Variants in SPATS2 observed in about 807,000 individuals in gnomAD.
SPATS2 encodes spermatogenesis associated serine rich 2, also known as spermatogenesis-associated serine-rich protein 2.
A neutral mutation model predicts 63.7 loss-of-function variants in SPATS2; 38 were observed. That is an observed-to-expected ratio of 0.60 (90% CI 0.46 to 0.78). SPATS2 has a LOEUF of 0.78. Ranked by LOEUF, SPATS2 falls within the 30% of genes least tolerant of loss-of-function variation. SPATS2 has a pLI of 0.00. For missense variants in SPATS2, 588 were observed against 666.2 expected (o/e 0.88, Z 1.29); for synonymous variants, 207 against 232.9 (o/e 0.89, Z 1.01).
chr12:49,400,401 A>G (rs1055286567), intron 2 of SPATS2, among the ~76,000 whole-genome samples: 1 of 152,082 alleles, frequency 6.6e-6, no homozygotes, highest in African/African-American at 2.4e-5. Flanking sequence ...CTGGTGAGGA[A>G]ACTGGGGTTA....
chr12:49,503,927 C>T (rs536214625), intron 9 of SPATS2, among the ~76,000 whole-genome samples: 1 of 152,166 alleles, frequency 6.6e-6, no homozygotes, highest in Non-Finnish European at 1.5e-5. Flanking sequence ...GATTAGCTGA[C>T]GTAACAACCA....
intron 3 of SPATS2, among the ~76,000 whole-genome samples, chr12:49,471,103 C>T (rs540010628): frequency 6.6e-6 from 1 of 152,258 alleles, no homozygotes; most frequent in African/African-American, 2.4e-5. Context: ...TCTAGGTCTC[C>T]TCTTCCTTTC....
chr12:49,381,150 T>C (rs2137189169), intron 2 of SPATS2, among the ~76,000 whole-genome samples: 1 of 152,370 alleles, frequency 6.6e-6, no homozygotes, highest in East Asian at 1.9e-4. Flanking sequence ...ACTAGTGATG[T>C]TGAACATCTT....
chr12:49,454,608 C>T (rs1482187815), intron 2 of SPATS2, among the ~76,000 whole-genome samples: 1 of 152,088 alleles, frequency 6.6e-6, no homozygotes, highest in Non-Finnish European at 1.5e-5. Flanking sequence ...ATGGATCAGG[C>T]GTGGTGGCTC....
At chr12:49,432,834 G>A (rs374371701) in intron 2 of SPATS2, among the ~76,000 whole-genome samples, 5 of 152,052 alleles carry the variant, frequency 3.3e-5, no homozygotes, top group Admixed American at 6.6e-5. Flanking sequence ...GATAGACACC[G>A]GTTGCTTTCA....
chr12:49,510,248 GCA>G (rs1249755196), intron 9 of SPATS2, among the ~76,000 whole-genome samples: 1 of 147,794 alleles, frequency 6.8e-6, no homozygotes, highest in African/African-American at 2.5e-5. Context: ...GGGTGACAGA[GCA>G]AGACCCTGTC....
intron 7 of SPATS2, among the ~76,000 whole-genome samples, chr12:49,496,150 A>G (rs1946459988): frequency 6.6e-6 from 1 of 152,200 alleles, no homozygotes; most frequent in South Asian, 2.1e-4. Flanking sequence ...ACTTAGAGAA[A>G]AACATTGCAC....
At chr12:49,373,007 T>G (rs1232047045) in intron 2 of SPATS2, among the ~76,000 whole-genome samples, 1 of 145,184 alleles carries the variant, frequency 6.9e-6, no homozygotes, top group African/African-American at 2.6e-5. Flanking sequence ...AGTTTTGCTT[T>G]TGTCGCCCAG....
rs142369886 is a variant in SPATS2 at position 49,389,597 on chromosome 12, A to G, written c.-244+18307A>G. 1.3e-3 allele frequency: 1,399 copies of G among 1,084,210 alleles called. 19 individuals carry two copies. The African/African-American group carries it at 0.02, about 16-fold the overall frequency. The allele number at this position is 1,084,210 out of a possible 1,614,324, so 67.2% of individuals were successfully genotyped here. A position where few individuals can be genotyped will look rare whatever the true frequency, so the allele number is the denominator to read the frequency against. ...AAGAGATCACGACGATGCAGCAGAA[A>G]CTCTGATTGAGCAAACCACAGCTCT... On this transcript the variant is annotated intron_variant, in intron 2 of 13. Coordinates refer to ENST00000552918, the MANE Select transcript of SPATS2 (RefSeq NM_023071.4).
intron 2 of SPATS2, among the ~76,000 whole-genome samples, chr12:49,412,656 G>A (rs1944817521): frequency 6.6e-6 from 1 of 151,828 alleles, no homozygotes; most frequent in Non-Finnish European, 1.5e-5. Flanking sequence ...TGAGGTAGGA[G>A]GATCGCTTGA....
At chr12:49,459,226 G>T (rs774521977) in intron 2 of SPATS2, among the ~76,000 whole-genome samples, 5 of 152,176 alleles carry the variant, frequency 3.3e-5, no homozygotes, top group Non-Finnish European at 5.9e-5. Flanking sequence ...TACTCAACCA[G>T]TGAGGAACTG....
At chr12:49,522,348 C>T (rs1785990455) in intron 11 of SPATS2, among the ~76,000 whole-genome samples, 1 of 152,152 alleles carries the variant, frequency 6.6e-6, no homozygotes, top group Non-Finnish European at 1.5e-5. Flanking sequence ...CTATTAACAC[C>T]AAACCATCTA....
intron 2 of SPATS2, among the ~76,000 whole-genome samples, chr12:49,416,574 G>A (rs1030448033): frequency 6.6e-6 from 1 of 151,880 alleles, no homozygotes; most frequent in Non-Finnish European, 1.5e-5. Context: ...TGTAACCTCC[G>A]CCTCCTGGGT....
At chr12:49,468,687 G>C (rs1246051184) in intron 3 of SPATS2, among the ~76,000 whole-genome samples, 1 of 151,676 alleles carries the variant, frequency 6.6e-6, no homozygotes, top group Admixed American at 6.6e-5. Context: ...ATGTTACCCA[G>C]GCTGGCCTCG....
At chr12:49,494,637 ATTGGTAACATTGGTTACCT>A in intron 6 of SPATS2, 85 bp from the exon 7 acceptor site, 1 of 1,134,376 alleles carries the variant, frequency 8.8e-7, no homozygotes, top group Non-Finnish European at 1.2e-6. Context: ...CATACAAGAA[ATTGGTAACATTGGTTACCT>A]TTGGGTAGCT....
chr12:49,509,273 CTTTTTTTTTTTTTT>C (rs1186617900), intron 9 of SPATS2, among the ~76,000 whole-genome samples: 202 of 77,822 alleles, frequency 2.6e-3, no homozygotes, highest in African/African-American at 0.012. Context: ...GTTCTAACTT[CTTTTTTTTTTTTTT>C]TTTTTTTTTT....
chr12:49,413,751 C>T (rs1449144169), intron 2 of SPATS2, among the ~76,000 whole-genome samples: 3 of 151,592 alleles, frequency 2.0e-5, no homozygotes, highest in Non-Finnish European at 4.4e-5. Flanking sequence ...TCTTTGACTA[C>T]CATTGCTTTC....
chr12:49,470,207 T>C (rs1946010839), intron 3 of SPATS2, among the ~76,000 whole-genome samples: 2 of 152,078 alleles, frequency 1.3e-5, no homozygotes, highest in Non-Finnish European at 2.9e-5. Flanking sequence ...AATTTTTGTA[T>C]TTTTAGTAGA....
Position 49,497,619 on chromosome 12 carries a change from C to T in SPATS2, c.703+610C>T, listed in dbSNP as rs145782856. Among the ~76,000 whole-genome samples, 155 of 152,212 alleles carry T rather than the reference C, an allele frequency of 1.0e-3. 1 individual carries two copies. Among genetic ancestry groups the T allele is most frequent in the African/African-American group, 3.4e-3 (142 of 41,540 alleles). On this transcript the variant is annotated intron_variant, in intron 8 of 13. Coordinates refer to ENST00000552918, the MANE Select transcript of SPATS2 (RefSeq NM_023071.4). The stretch of plus-strand genomic sequence containing the variant: ...CCGTGTTAGCCAGGATGGTCTCGAT[C>T]TCCTGACCTCGTGATCCGCCTGTCT...
Sources: gnomAD v4.1 joint callset for allele counts (sites outside exome capture counted in the v4.1 genomes callset) on GRCh38, gnomAD v4.1.1 for gene constraint, MANE v1.5 for transcripts, NCBI Gene and HGNC (gene_info 2026-07-23, HGNC 2026-07-21) for gene names.